MECOM: variants seen among roughly 807,000 people sequenced by gnomAD.
The protein encoded by MECOM is histone-lysine N-methyltransferase MECOM.
Under a neutral mutation model 116.3 loss-of-function variants are expected in MECOM, and 13 were observed. The ratio of observed to expected loss-of-function variants is 0.11; its 90% CI spans 0.07 to 0.18. The LOEUF (loss-of-function observed/expected upper bound fraction) is 0.18. Among genes scored for constraint, MECOM ranks in the 10% least tolerant of loss-of-function variants. The pLI, the probability that MECOM is intolerant of heterozygous loss-of-function variation, is 1.00. For synonymous variants in MECOM, 528 were observed against 535.2 expected (o/e 0.99, Z 0.19); for missense variants, 1,299 against 1,509.0 (o/e 0.86, Z 2.31).
At chr3:169,128,284 G>C (rs1733565588) in intron 4 of MECOM, among the ~76,000 whole-genome samples, 1 of 152,202 alleles carries the variant, frequency 6.6e-6, no homozygotes, top group African/African-American at 2.4e-5. Context: ...CTCCTGATCA[G>C]TAAAACTTTT....
rs903295416 is a variant in MECOM at position 169,660,792 on chromosome 3, A to G, written c.37+2544T>C. On this transcript the variant is annotated intron_variant, in intron 1 of 16. Transcript: ENST00000651503. The stretch of plus-strand genomic sequence containing the variant: ...CGGGGGAAGGAAATCGCGCTTTAAA[A>G]TACAAAAATCTGTAGTTTTAATATG... Among the ~76,000 whole-genome samples the G allele has an allele frequency of 2.6e-5, 4 of 152,206 alleles. No homozygotes were observed. In the South Asian group the frequency reaches 8.3e-4, roughly 32 times the overall value.
intron 2 of MECOM, among the ~76,000 whole-genome samples, chr3:169,206,347 G>T (rs1235114375): frequency 6.6e-6 from 1 of 152,144 alleles, no homozygotes; most frequent in Non-Finnish European, 1.5e-5. Context: ...GAGATCTAAT[G>T]GAACTCTTGA....
At position 169,659,438 on chromosome 3, in the gene MECOM, A is replaced by G. The variant is rs1775961860; in HGVS notation, c.37+3898T>C. ...GCGTAATTAACCTTCCCCTAAACAC[A>G]GATTTTTTTTTTTTTTTTTTTTTTT... On this transcript the variant is annotated intron_variant, in intron 1 of 16. Coordinates refer to ENST00000651503, the MANE Select transcript of MECOM (RefSeq NM_004991.4). Among the ~76,000 whole-genome samples the G allele has an allele frequency of 3.5e-5, 3 of 86,920 alleles. No individual in the cohort carries two copies. The South Asian group carries it at 1.2e-3, about 34-fold the overall frequency. The allele number at this position is 86,920 out of a possible 152,430, so 57.0% of individuals were successfully genotyped here. A position where few individuals can be genotyped will look rare whatever the true frequency, so the allele number is the denominator to read the frequency against.
At chr3:169,455,580 T>C (rs1313350366) in intron 1 of MECOM, among the ~76,000 whole-genome samples, 3 of 152,186 alleles carry the variant, frequency 2.0e-5, no homozygotes, top group Admixed American at 1.3e-4. Flanking sequence ...ATGACTCTCA[T>C]AATTCCGGAA....
intron 1 of MECOM, among the ~76,000 whole-genome samples, chr3:169,565,367 G>C (rs1560439199): frequency 6.6e-6 from 1 of 152,104 alleles, no homozygotes; most frequent in South Asian, 2.1e-4. Context: ...CGCAGTCTAG[G>C]GTGAACCAAG....
At chr3:169,537,813 T>C (rs1759577966) in intron 1 of MECOM, among the ~76,000 whole-genome samples, 1 of 151,946 alleles carries the variant, frequency 6.6e-6, no homozygotes, top group Admixed American at 6.6e-5. Flanking sequence ...AAAACTTGAG[T>C]ACAAAGGTGG....
At chr3:169,572,685 A>G (rs1261572641) in intron 1 of MECOM, among the ~76,000 whole-genome samples, 1 of 151,924 alleles carries the variant, frequency 6.6e-6, no homozygotes, top group African/African-American at 2.4e-5. Flanking sequence ...AGGGACATGG[A>G]TGAAGCTGGA....
chr3:169,532,957 G>A (rs1450240662), intron 1 of MECOM, among the ~76,000 whole-genome samples: 1 of 152,074 alleles, frequency 6.6e-6, no homozygotes, highest in East Asian at 1.9e-4. Context: ...TTATGAAGGT[G>A]GTATAGACAG....
At chr3:169,228,432 A>C (rs552135345) in intron 2 of MECOM, among the ~76,000 whole-genome samples, 1 of 152,336 alleles carries the variant, frequency 6.6e-6, no homozygotes, top group South Asian at 2.1e-4. Flanking sequence ...ACAGATGACC[A>C]TGCTTTTATA....
At chr3:169,294,699 T>C (rs1715265349) in intron 2 of MECOM, among the ~76,000 whole-genome samples, 1 of 152,220 alleles carries the variant, frequency 6.6e-6, no homozygotes, top group South Asian at 2.1e-4. Context: ...AAGGAGCTTA[T>C]TGGACAATGA....
chr3:169,467,455 G>C (rs1271539860), intron 1 of MECOM, among the ~76,000 whole-genome samples: 1 of 152,118 alleles, frequency 6.6e-6, no homozygotes, highest in Non-Finnish European at 1.5e-5. Flanking sequence ...AAGTTCACGG[G>C]CCAAGGCAAG....
chr3:169,411,314 C>A (rs1168884077), intron 1 of MECOM, among the ~76,000 whole-genome samples: 3 of 152,138 alleles, frequency 2.0e-5, no homozygotes, highest in Non-Finnish European at 4.4e-5. Flanking sequence ...ATATTGCTCT[C>A]TAAAGAATCC....
At chr3:169,127,182 A>C (rs2149170019) in intron 5 of MECOM, among the ~76,000 whole-genome samples, 2 of 152,268 alleles carry the variant, frequency 1.3e-5, no homozygotes, top group East Asian at 3.9e-4. Flanking sequence ...TGTTGTTATC[A>C]GCAATTTTAA....
chr3:169,472,518 G>GAAAGGAAAGAAAAGAAAAGAAAAGA (rs1553863131), intron 1 of MECOM, among the ~76,000 whole-genome samples: 2 of 70,124 alleles, frequency 2.9e-5, no homozygotes, highest in African/African-American at 7.4e-5. Flanking sequence ...GAAAGGAAAG[G>GAAAGGAAAGAAAAGAAAAGAAAAGA]AAAGAAAAGA....
rs186949085 is a variant in MECOM, at chr3:169,607,121, G to A, written c.37+56215C>T. ...TTTTAATTTTTTAGATACTTACGGA[G>A]GCAATATAATATCTTTATAAATGAA... On this transcript the variant is annotated intron_variant, in intron 1 of 16. Transcript: ENST00000651503. Among the ~76,000 whole-genome samples the A allele has an allele frequency of 5.9e-5, 9 of 152,302 alleles. No homozygotes were observed. In the East Asian group the frequency reaches 1.7e-3, roughly 29 times the overall value.
chr3:169,289,633 T>A (rs1456569271), intron 2 of MECOM, among the ~76,000 whole-genome samples: 1 of 152,184 alleles, frequency 6.6e-6, no homozygotes, highest in Non-Finnish European at 1.5e-5. Context: ...CATCTCTTAC[T>A]CGGCATTTGT....
At chr3:169,392,391 T>C (rs2108342764) in intron 1 of MECOM, among the ~76,000 whole-genome samples, 1 of 152,298 alleles carries the variant, frequency 6.6e-6, no homozygotes, top group Admixed American at 6.5e-5. Context: ...AGTGCACAGA[T>C]TTAAATCCTT....
At chr3:169,529,553 C>G (rs1758344434) in intron 1 of MECOM, among the ~76,000 whole-genome samples, 1 of 152,190 alleles carries the variant, frequency 6.6e-6, no homozygotes, top group East Asian at 1.9e-4. Flanking sequence ...GTTTGACATC[C>G]CCACTCCCCA....
intron 1 of MECOM, among the ~76,000 whole-genome samples, chr3:169,450,800 C>A (rs534538122): frequency 6.6e-6 from 1 of 152,218 alleles, no homozygotes; most frequent in East Asian, 1.9e-4. Flanking sequence ...GAAATTTTCA[C>A]AAAAGCTGTG....
Sources: allele counts gnomAD v4.1 joint callset (sites outside exome capture counted in the v4.1 genomes callset), GRCh38; gene constraint gnomAD v4.1.1; transcripts MANE v1.5; gene names NCBI Gene and HGNC (gene_info 2026-07-23, HGNC 2026-07-21).